The following ERBB4 variants were observed in gnomAD, a reference collection of about 807,000 sequenced individuals.
ERBB4 encodes erb-b2 receptor tyrosine kinase 4.
In ERBB4, 42 loss-of-function variants were observed where a neutral mutation model predicts 158.0. The ratio of observed to expected loss-of-function variants is 0.27; its 90% CI spans 0.21 to 0.34. The LOEUF is 0.34. ERBB4 is among the 10% of genes least tolerant of loss of function. ERBB4 has a pLI of 1.00. For synonymous variants in ERBB4, 583 were observed against 558.7 expected (o/e 1.04, Z -0.61); for missense variants, 1,333 against 1,624.1 (o/e 0.82, Z 3.08).
Position 211,383,350 on chromosome 2 carries a change from G to C in ERBB4, c.*265C>G, listed in dbSNP as rs557163880. 5.1e-4 allele frequency: 223 copies of C among 435,338 alleles called. No individual in the cohort carries two copies. Among genetic ancestry groups the C allele is most frequent in the African/African-American group, 4.2e-3 (215 of 50,738 alleles). The allele number at this position is 435,338 out of a possible 1,614,324, so 27.0% of individuals were successfully genotyped here. A position where few individuals can be genotyped will look rare whatever the true frequency, so the allele number is the denominator to read the frequency against. ...TAGGCAGCATTGCCTTACATTTTCT[G>C]GTCCTTCTCTAGCTGTTTCATTCTC... On this transcript the variant is annotated 3_prime_UTR_variant, in exon 28 of 28. Coordinates refer to ENST00000342788, the MANE Select transcript of ERBB4 (RefSeq NM_005235.3).
At chr2:212,197,472 T>A (rs2082461720) in intron 1 of ERBB4, among the ~76,000 whole-genome samples, 1 of 152,184 alleles carries the variant, frequency 6.6e-6, no homozygotes, top group Non-Finnish European at 1.5e-5. Flanking sequence ...GGTAATTTTA[T>A]TATCATTTTA....
intron 3 of ERBB4, among the ~76,000 whole-genome samples, chr2:211,940,017 A>G (rs892111478): frequency 6.6e-6 from 1 of 151,936 alleles, no homozygotes; most frequent in African/African-American, 2.4e-5. Flanking sequence ...AGAGATAGAT[A>G]TAGATTTGGT....
intron 3 of ERBB4, among the ~76,000 whole-genome samples, chr2:211,840,379 C>G (rs908962310): frequency 3.3e-5 from 5 of 151,968 alleles, no homozygotes; most frequent in African/African-American, 1.2e-4. Flanking sequence ...ATTACCCAGT[C>G]TTGAATATGT....
chr2:212,079,662 A>T (rs2078378145), intron 2 of ERBB4, among the ~76,000 whole-genome samples: 1 of 152,134 alleles, frequency 6.6e-6, no homozygotes, highest in South Asian at 2.1e-4. Context: ...ATCATCATAG[A>T]TGCTTCCAGT....
chr2:212,119,933 T>G (rs1027759384), intron 2 of ERBB4, among the ~76,000 whole-genome samples: 2 of 152,218 alleles, frequency 1.3e-5, no homozygotes, highest in Non-Finnish European at 2.9e-5. Context: ...TCACTTTTGC[T>G]GTGTTCTTGA....
chr2:212,364,963 TTA>T (rs1308751563), intron 1 of ERBB4, among the ~76,000 whole-genome samples: 1 of 151,400 alleles, frequency 6.6e-6, no homozygotes, highest in Non-Finnish European at 1.5e-5. Flanking sequence ...ACTGAATGAA[TTA>T]TAGTCTCTGC....
chr2:211,593,752 C>T (rs550329303), intron 19 of ERBB4, among the ~76,000 whole-genome samples: 1 of 152,302 alleles, frequency 6.6e-6, no homozygotes, highest in East Asian at 1.9e-4. Context: ...ACAACCACCA[C>T]CCTGATACCC....
intron 14 of ERBB4, among the ~76,000 whole-genome samples, chr2:211,669,563 G>C (rs1371770093): frequency 6.6e-6 from 1 of 152,088 alleles, no homozygotes; most frequent in Non-Finnish European, 1.5e-5. Flanking sequence ...GTAAAGCAGA[G>C]TGAATAAAAT....
intron 1 of ERBB4, among the ~76,000 whole-genome samples, chr2:212,247,992 G>A (rs1357981022): frequency 6.6e-6 from 1 of 151,970 alleles, no homozygotes; most frequent in Non-Finnish European, 1.5e-5. Flanking sequence ...AAAATTAATG[G>A]TGTTTTAAAG....
At chr2:211,818,706 A>G (rs2076928665) in intron 3 of ERBB4, among the ~76,000 whole-genome samples, 1 of 152,118 alleles carries the variant, frequency 6.6e-6, no homozygotes, top group Admixed American at 6.6e-5. Flanking sequence ...ACATATTTCC[A>G]TTAACTTGAA....
At position 211,378,131 on chromosome 2, in the gene ERBB4, T is replaced by G. The variant is rs932102654; in HGVS notation, c.*5484A>C. The G allele has an allele frequency of 3.0e-5, 7 of 232,454 alleles. No individual in the cohort carries two copies. Among genetic ancestry groups the G allele is most frequent in the Admixed American group, 1.7e-4 (3 of 17,708 alleles). The allele number at this position is 232,454 out of a possible 1,614,324, so 14.4% of individuals were successfully genotyped here. ...AAGAGAGCAGTGCCAGTTGTGTCAA[T>G]GGGCAAAAAAGGGAAGGATTCTATT... On this transcript the variant is annotated 3_prime_UTR_variant, in exon 28 of 28. Transcript: ENST00000342788.
intron 1 of ERBB4, among the ~76,000 whole-genome samples, chr2:212,136,394 A>G (rs2080272405): frequency 6.6e-6 from 1 of 152,232 alleles, no homozygotes; most frequent in Non-Finnish European, 1.5e-5. Flanking sequence ...TACACTAGAA[A>G]CGGGAAAAAA....
intron 3 of ERBB4, among the ~76,000 whole-genome samples, chr2:211,856,668 T>C (rs919192330): frequency 6.6e-6 from 1 of 152,246 alleles, no homozygotes; most frequent in African/African-American, 2.4e-5. Context: ...ATTACAGGCG[T>C]GAGCCACTGC....
chr2:211,633,312 C>A (rs1010682607), intron 16 of ERBB4, among the ~76,000 whole-genome samples: 4 of 151,898 alleles, frequency 2.6e-5, no homozygotes, highest in Admixed American at 1.3e-4. Context: ...TGAAAAGATT[C>A]GGTTTCCAAA....
chr2:211,630,745 C>G, intron 16 of ERBB4, 151 bp from the exon 17 acceptor site: 1 of 756,000 alleles, frequency 1.3e-6, no homozygotes, highest in Non-Finnish European at 2.1e-6. Context: ...TTAGGTTTTG[C>G]TCTACCAAAA....
intron 1 of ERBB4, among the ~76,000 whole-genome samples, chr2:212,526,991 T>C (rs1018957003): frequency 6.6e-6 from 1 of 152,072 alleles, no homozygotes; most frequent in African/African-American, 2.4e-5. Context: ...AAGTCAAAAG[T>C]TGACTTTTAT....
At chr2:211,744,644 G>A (rs1260415627) in intron 5 of ERBB4, among the ~76,000 whole-genome samples, 1 of 152,078 alleles carries the variant, frequency 6.6e-6, no homozygotes, top group Non-Finnish European at 1.5e-5. Flanking sequence ...CAGAGCCTGG[G>A]CCATTTGTCT....
intron 20 of ERBB4, among the ~76,000 whole-genome samples, chr2:211,542,263 T>G (rs1326731241): frequency 6.6e-6 from 1 of 151,996 alleles, no homozygotes. Flanking sequence ...TGCTTGAGCA[T>G]CAGAATGAAG....
chr2:212,464,892 T>TCACACA (rs148243973), intron 1 of ERBB4, among the ~76,000 whole-genome samples: 1,956 of 146,116 alleles, frequency 0.013, 40 homozygotes, highest in African/African-American at 0.044. Context: ...AAGGGAAACA[T>TCACACA]CACACACACA....
Sources: allele counts gnomAD v4.1 joint callset (sites outside exome capture counted in the v4.1 genomes callset), GRCh38; gene constraint gnomAD v4.1.1; transcripts MANE v1.5; gene names NCBI Gene and HGNC (gene_info 2026-07-23, HGNC 2026-07-21).